Variants in SLC8A1 observed in about 807,000 individuals in gnomAD.
SLC8A1 encodes solute carrier family 8 member A1.
SLC8A1 carries 18 observed loss-of-function variants against 68.3 expected under a neutral mutation model. The observed-to-expected ratio is 0.26, with a 90% confidence interval of 0.18 to 0.39. The LOEUF is 0.39. Ranked by LOEUF, SLC8A1 falls within the 10% of genes least tolerant of loss-of-function variation. The pLI, the probability that SLC8A1 is intolerant of heterozygous loss-of-function variation, is 1.00. For missense variants in SLC8A1, 985 were observed against 1,156.7 expected (o/e 0.85, Z 2.15); for synonymous variants, 475 against 415.5 (o/e 1.14, Z -1.74).
At chr2:40,415,773 T>C (rs1238752283) in intron 2 of SLC8A1, among the ~76,000 whole-genome samples, 4 of 148,598 alleles carry the variant, frequency 2.7e-5, no homozygotes, top group Admixed American at 6.8e-5. Flanking sequence ...AGGTCAGAGT[T>C]AGAGACCAGG....
chr2:40,224,128 T>C (rs1233497939), intron 2 of SLC8A1, among the ~76,000 whole-genome samples: 1 of 152,176 alleles, frequency 6.6e-6, no homozygotes, highest in African/African-American at 2.4e-5. Flanking sequence ...AGTGAAATGA[T>C]AGCTAATTGT....
intron 2 of SLC8A1, among the ~76,000 whole-genome samples, chr2:40,365,027 T>C (rs1191528018): frequency 1.3e-5 from 2 of 152,098 alleles, no homozygotes; most frequent in East Asian, 1.9e-4. Context: ...TATTATTGTA[T>C]TGCATGGCAT....
At chr2:40,130,283 G>C (rs1372319786) in intron 7 of SLC8A1, among the ~76,000 whole-genome samples, 2 of 152,210 alleles carry the variant, frequency 1.3e-5, no homozygotes, top group South Asian at 4.1e-4. Flanking sequence ...GCCATTTATA[G>C]AGAAAATCTT....
At chr2:40,348,492 A>G (rs961434438) in intron 2 of SLC8A1, among the ~76,000 whole-genome samples, 3 of 152,218 alleles carry the variant, frequency 2.0e-5, no homozygotes, top group Admixed American at 1.3e-4. Flanking sequence ...TGGTTTTTAA[A>G]ATGTATAACT....
At chr2:40,417,619 C>T (rs894071228) in intron 2 of SLC8A1, among the ~76,000 whole-genome samples, 2 of 152,078 alleles carry the variant, frequency 1.3e-5, no homozygotes, top group Non-Finnish European at 2.9e-5. Flanking sequence ...AGTGATCTTC[C>T]CACCTCAGCC....
chr2:40,144,870 AT>A (rs2042168382), intron 6 of SLC8A1, among the ~76,000 whole-genome samples: 1 of 152,150 alleles, frequency 6.6e-6, no homozygotes. Context: ...TAGTAAAATT[AT>A]TATAGGGAGG....
intron 2 of SLC8A1, among the ~76,000 whole-genome samples, chr2:40,229,154 T>G (rs1225914509): frequency 6.6e-6 from 1 of 152,152 alleles, no homozygotes. Context: ...GCTGTTTACC[T>G]GGCTGCTGAT....
At chr2:40,385,180 G>C (rs10165478) in intron 2 of SLC8A1, among the ~76,000 whole-genome samples, 111,604 of 151,910 alleles carry the variant, frequency 0.73, 42,375 homozygotes, top group African/African-American at 0.93. Context: ...TTTTAAGAGC[G>C]AGTATGTTCT....
chr2:40,268,995 T>C (rs951624461), intron 2 of SLC8A1, among the ~76,000 whole-genome samples: 2 of 152,134 alleles, frequency 1.3e-5, no homozygotes, highest in Admixed American at 6.5e-5. Flanking sequence ...ACTCCAAATA[T>C]GAACTCATGA....
chr2:40,134,337 C>A (rs2040075266), intron 7 of SLC8A1, among the ~76,000 whole-genome samples: 1 of 152,142 alleles, frequency 6.6e-6, no homozygotes, highest in Non-Finnish European at 1.5e-5. Flanking sequence ...AGTGATCTGC[C>A]TGCCTCAGCC....
At chr2:40,337,218 C>CA (rs1400389027) in intron 2 of SLC8A1, 1 of 252,610 alleles carries the variant, frequency 4.0e-6, no homozygotes, top group African/African-American at 2.2e-5. Flanking sequence ...GAAGTAAATA[C>CA]ATTCACTGTT....
At chr2:40,505,521 A>G (rs764824616) in intron 1 of SLC8A1, among the ~76,000 whole-genome samples, 41 of 152,064 alleles carry the variant, frequency 2.7e-4, no homozygotes, top group Non-Finnish European at 5.0e-4. Flanking sequence ...AAAATAAAAA[A>G]GTCACATTGG....
intron 2 of SLC8A1, among the ~76,000 whole-genome samples, chr2:40,417,197 A>T (rs1694134319): frequency 6.6e-6 from 1 of 152,180 alleles, no homozygotes; most frequent in South Asian, 2.1e-4. Flanking sequence ...TTTGGGGTAC[A>T]TATGCAGGTT....
intron 2 of SLC8A1, among the ~76,000 whole-genome samples, chr2:40,324,378 G>A (rs148412978): frequency 6.6e-6 from 1 of 152,102 alleles, no homozygotes; most frequent in Non-Finnish European, 1.5e-5. Flanking sequence ...AAATAAAGAT[G>A]GGGCTATTTC....
chr2:40,128,415 T>C (rs900917945), intron 7 of SLC8A1, among the ~76,000 whole-genome samples: 2 of 152,242 alleles, frequency 1.3e-5, no homozygotes, highest in African/African-American at 4.8e-5. Flanking sequence ...GTCTCTGTAC[T>C]CTCTTCCTAA....
intron 2 of SLC8A1, among the ~76,000 whole-genome samples, chr2:40,225,759 A>T (rs2058896425): frequency 6.6e-6 from 1 of 152,158 alleles, no homozygotes; most frequent in Non-Finnish European, 1.5e-5. Flanking sequence ...AGCCCCTCCC[A>T]AAGTTGCCTT....
chr2:40,292,473 C>A (rs982046340), intron 2 of SLC8A1, among the ~76,000 whole-genome samples: 6 of 152,266 alleles, frequency 3.9e-5, no homozygotes, highest in Middle Eastern at 3.4e-3. Flanking sequence ...GGAACAGCTG[C>A]TTCCAGAGTC....
chr2:40,161,004 C>G (rs2045578009), intron 5 of SLC8A1, 140 bp from the exon 9 acceptor site: 1 of 627,118 alleles, frequency 1.6e-6, no homozygotes, highest in South Asian at 1.9e-5. Context: ...TGACATCAAA[C>G]ACTGTTATGA....
chr2:40,154,148 C>T (rs2043965512), intron 6 of SLC8A1, among the ~76,000 whole-genome samples: 1 of 152,018 alleles, frequency 6.6e-6, no homozygotes, highest in East Asian at 1.9e-4. Flanking sequence ...GCCTCAGGAT[C>T]CATAGTTGTT....
Sources: allele counts gnomAD v4.1 joint callset (sites outside exome capture counted in the v4.1 genomes callset), GRCh38; gene constraint gnomAD v4.1.1; transcripts MANE v1.5; gene names NCBI Gene and HGNC (gene_info 2026-07-23, HGNC 2026-07-21).